USP35: variants seen among roughly 807,000 people sequenced by gnomAD.
USP35 encodes the protein ubiquitin specific peptidase 35, also known as ubiquitin carboxyl-terminal hydrolase 35.
A neutral mutation model predicts 83.8 loss-of-function variants in USP35; 69 were observed. That is an observed-to-expected ratio of 0.82 (90% confidence interval 0.68 to 1.01). USP35 has a LOEUF of 1.01. USP35 is among the 50% of genes least tolerant of loss of function. USP35 has a pLI of 0.00. For synonymous variants in USP35, 714 were observed against 589.5 expected (o/e 1.21, Z -3.06); for missense variants, 1,503 against 1,362.5 (o/e 1.10, Z -1.62).
At chr11:78,220,299 C>G in the USP35 span, 2 of 1,611,564 alleles carry the variant, frequency 1.2e-6, no homozygotes, top group Admixed American at 1.7e-5. Flanking sequence ...TTACTGCCCC[C>G]CCAACTCTAC....
intron 6 of USP35, among the ~76,000 whole-genome samples, chr11:78,203,264 C>T (rs757182995): frequency 6.6e-5 from 10 of 151,950 alleles, no homozygotes; most frequent in Non-Finnish European, 1.5e-4. Context: ...TCTTACTGTA[C>T]GGGGACTGAA....
In USP35 at chr11:78,210,481, G is replaced by A. The variant is rs2512526; in HGVS notation, c.2626G>A (p.Ala876Thr). 1.9e-6 allele frequency: 3 copies of A among 1,614,234 alleles called. No individual in the cohort carries two copies. In the East Asian group the frequency reaches 6.7e-5, roughly 36 times the overall value. Reference sequence around the variant, plus strand: ...CCGTGAGGGCGCTGCCCGCCCTGCCGCTTCTCTGGGAACTGCCGATAGGCC... The same window carrying A: ...CCGTGAGGGCGCTGCCCGCCCTGCCACTTCTCTGGGAACTGCCGATAGGCC... ...YAREGAARPA[A>T]SLGTADRPEP... is the part of the protein sequence containing the mutation. Residue 876 changes from alanine to threonine, a missense_variant, in exon 10 of 11, where the codon GCT (alanine) becomes ACT (threonine). Coordinates refer to ENST00000529308, the MANE Select transcript of USP35 (RefSeq NM_020798.4).
In USP35 at chr11:78,209,493, C is replaced by G. The variant is rs772300357; in HGVS notation, c.1638C>G (p.Leu546=). 6.8e-6 allele frequency: 11 copies of G among 1,613,152 alleles called. No individual in the cohort carries two copies. Among genetic ancestry groups the G allele is most frequent in the South Asian group, 1.1e-5 (1 of 90,964 alleles). Residue 546 remains leucine (L), a synonymous_variant, in exon 10 of 11, where the codon CTC becomes CTG. Transcript: ENST00000529308. ...EKTGTRICQK[L]KQSSSPSPPE... is the part of the protein sequence containing the mutation. ...CGGGCACAAGGATCTGCCAGAAACT[C>G]AAGCAGTCCAGCTCGCCCTCTCCGC...
At chr11:78,205,354 A>C (rs1863498143) in intron 6 of USP35, among the ~76,000 whole-genome samples, 1 of 152,226 alleles carries the variant, frequency 6.6e-6, no homozygotes, top group African/African-American at 2.4e-5. Flanking sequence ...AAACTGACAC[A>C]AGGTAGGAGT....
At position 78,209,910 on chromosome 11, in the gene USP35, G is replaced by T; in HGVS notation, c.2055G>T (p.Glu685Asp). The T allele has an allele frequency of 6.3e-7, 1 of 1,599,832 alleles. No individual in the cohort carries two copies. The highest frequency in any genetic ancestry group is 8.5e-7 in the Non-Finnish European group (1 of 1,172,540). The change falls in exon 10 of 11, where the codon GAG becomes GAT. Residue 685 changes from glutamate to aspartate, a missense_variant. Coordinates refer to ENST00000529308, the MANE Select transcript of USP35 (RefSeq NM_020798.4). ...TAGAGAGGGAGGAAGAAGGGAAGGAGGAGAGAACGGAGAAGGAAGAAGTGG... is the reference window on the plus strand; with the variant it reads ...TAGAGAGGGAGGAAGAAGGGAAGGATGAGAGAACGGAGAAGGAAGAAGTGG... ...ERIEREEEGK[E>D]ERTEKEEVGE...
downstream of USP35, chr11:78,215,675 A>G (rs1438342825): frequency 1.3e-5 from 2 of 152,282 alleles, no homozygotes; most frequent in Non-Finnish European, 2.9e-5. Flanking sequence ...GCCACCATAA[A>G]TCACATGACA....
rs550718011 is a variant in USP35, at chr11:78,214,995, G to A, written c.*1182G>A. ...TTCCCCAGGGGCTGCCTGCTGTGAT[G>A]GTGGTGTGGAGTTTGGGCCCAATGT... On this transcript the variant is annotated 3_prime_UTR_variant, in exon 11 of 11. Coordinates refer to ENST00000529308, the MANE Select transcript of USP35 (RefSeq NM_020798.4). 3.9e-5 allele frequency among the ~76,000 whole-genome samples: 6 copies of A among 152,254 alleles called. No homozygotes were observed. In the South Asian group the frequency reaches 1.0e-3, roughly 26 times the overall value.
intron 1 of USP35, among the ~76,000 whole-genome samples, chr11:78,189,865 G>A (rs866036079): frequency 6.6e-6 from 1 of 152,212 alleles, no homozygotes; most frequent in Admixed American, 6.5e-5. Context: ...CCAGACATGG[G>A]CCTCCCGGAG....
chr11:78,200,640 G>T lies in USP35; in HGVS notation c.1039-10G>T, dbSNP rs779571677. ...TTGGTGCTGAGCCTGACGCAGCTCTGCTCCCACAGCTCCTCCCTCACATCC... is the reference window on the plus strand; with the variant it reads ...TTGGTGCTGAGCCTGACGCAGCTCTTCTCCCACAGCTCCTCCCTCACATCC... On this transcript the variant is annotated splice_polypyrimidine_tract_variant and intron_variant, in intron 5 of 10. Coordinates refer to ENST00000529308, the MANE Select transcript of USP35 (RefSeq NM_020798.4). 3 of 1,603,540 alleles carry T rather than the reference G, an allele frequency of 1.9e-6. No homozygotes were observed. In the South Asian group the frequency reaches 3.3e-5, roughly 18 times the overall value.
the USP35 span, chr11:78,222,193 T>C: frequency 6.2e-7 from 1 of 1,611,864 alleles, no homozygotes; most frequent in Non-Finnish European, 8.5e-7. Context: ...GGTGTTGGCT[T>C]TGCTGGAGCA....
the USP35 span, chr11:78,220,457 G>A: frequency 6.4e-7 from 1 of 1,550,614 alleles, no homozygotes; most frequent in South Asian, 1.2e-5. Flanking sequence ...GTCACGAGGA[G>A]GAAAAAACTG....
intron 9 of USP35, 53 bp from the exon 10 acceptor site, chr11:78,209,395 C>A: frequency 6.7e-7 from 1 of 1,494,656 alleles, no homozygotes; most frequent in East Asian, 2.4e-5. Context: ...AAGCTGAGTG[C>A]CCCGGAAGGG....
chr11:78,222,145 G>A, the USP35 span: 3 of 1,613,852 alleles, frequency 1.9e-6, no homozygotes, highest in Non-Finnish European at 2.5e-6. Context: ...GACTTGAAGG[G>A]GAGTTCATCG....
the USP35 span, among the ~76,000 whole-genome samples, chr11:78,228,243 G>C: frequency 6.6e-6 from 1 of 152,200 alleles, no homozygotes; most frequent in South Asian, 2.1e-4. Context: ...AAGTGCTTTG[G>C]GAAATTGGAG....
chr11:78,214,351 C>G lies in USP35; in HGVS notation c.*538C>G, dbSNP rs1171458825. 1 of 132,066 alleles carries G rather than the reference C, an allele frequency of 7.6e-6. No individual in the cohort carries two copies. Among genetic ancestry groups the G allele is most frequent in the East Asian group, 2.2e-4 (1 of 4,598 alleles). 8.2% of individuals were successfully genotyped at this position (132,066 alleles called of 1,614,324 possible). A position where few individuals can be genotyped will look rare whatever the true frequency, so the allele number is the denominator to read the frequency against. ...AGAAGAACAGAGACCGAGACCTGCCCCCTTACCAAGCGCCACTGCATGGTT... is the reference window on the plus strand; with the variant it reads ...AGAAGAACAGAGACCGAGACCTGCCGCCTTACCAAGCGCCACTGCATGGTT... On this transcript the variant is annotated 3_prime_UTR_variant, in exon 11 of 11. Coordinates refer to ENST00000529308, the MANE Select transcript of USP35 (RefSeq NM_020798.4).
the USP35 span, among the ~76,000 whole-genome samples, chr11:78,221,457 C>G: frequency 6.6e-6 from 1 of 152,320 alleles, no homozygotes; most frequent in South Asian, 2.1e-4. Flanking sequence ...AAGACCATGA[C>G]TTCGTTGGGA....
At chr11:78,219,042 A>G (rs1864285261), downstream of USP35, 5 of 535,450 alleles carry the variant, frequency 9.3e-6, no homozygotes, top group Admixed American at 6.5e-5. Context: ...AGGCATGGCC[A>G]TTACTGATAA....
chr11:78,223,273 T>A, the USP35 span: 2 of 638,178 alleles, frequency 3.1e-6, no homozygotes, highest in Non-Finnish European at 5.1e-6. Flanking sequence ...ATTTCACAGA[T>A]AAGAAAACTG....
In USP35 at chr11:78,197,974, C is replaced by G; in HGVS notation, c.712C>G (p.Gln238Glu). The G allele has an allele frequency of 6.2e-7, 1 of 1,614,212 alleles. No homozygotes were observed. Among genetic ancestry groups the G allele is most frequent in the South Asian group, 1.1e-5 (1 of 91,080 alleles). ...ATCTAGCGCCCTGGCCAGCGTGGTC[C>G]AGCACCTCCCATTGGAGCTCATGGA... ...PPSSALASVV[Q>E]HLPLELMDGV... is the part of the protein sequence containing the mutation. Residue 238 changes from glutamine to glutamate, a missense_variant, in exon 3 of 11, where the codon CAG becomes GAG. Gln to Glu is a conservative substitution (Grantham distance 29). Transcript: ENST00000529308.
Sources: gnomAD v4.1 joint callset for allele counts (sites outside exome capture counted in the v4.1 genomes callset) on GRCh38, gnomAD v4.1.1 for gene constraint, MANE v1.5 for transcripts, NCBI Gene and HGNC (gene_info 2026-07-23, HGNC 2026-07-21) for gene names.